Variants in C1QTNF3 observed in about 807,000 individuals in gnomAD.
C1QTNF3 encodes the protein complement C1q tumor necrosis factor-related protein 3.
In C1QTNF3, 26 loss-of-function variants were observed where a neutral mutation model predicts 32.6. That is an observed-to-expected ratio of 0.80 (90% CI 0.58 to 1.11). C1QTNF3 has a LOEUF of 1.11. C1QTNF3 is among the 50% of genes least tolerant of loss of function. C1QTNF3 has a pLI of 0.00. For synonymous variants in C1QTNF3, 155 were observed against 146.0 expected (o/e 1.06, Z -0.44); for missense variants, 362 against 398.2 (o/e 0.91, Z 0.77).
rs1419207668 is a variant in C1QTNF3 at position 34,020,444 on chromosome 5, C to A, written c.*139G>T. 4 of 986,804 alleles carry A rather than the reference C, an allele frequency of 4.1e-6. No homozygotes were observed. Among genetic ancestry groups the A allele is most frequent in the Middle Eastern group, 3.3e-4 (1 of 3,014 alleles). The allele number at this position is 986,804 out of a possible 1,614,324, so 61.1% of individuals were successfully genotyped here. ...TGAATTGTCCAACATTATTGGTGTA[C>A]CTGTAGCGTGAACAACATTGCAACC... On this transcript the variant is annotated 3_prime_UTR_variant, in exon 6 of 6. Coordinates refer to ENST00000382065, the MANE Select transcript of C1QTNF3 (RefSeq NM_181435.6).
chr5:34,124,497 G>A, the C1QTNF3 span: 7 of 713,432 alleles, frequency 9.8e-6, no homozygotes, highest in East Asian at 1.1e-4. Context: ...ATGAGACCAG[G>A]AGCAAGAGAG....
chr5:34,080,818 T>C, the C1QTNF3 span, among the ~76,000 whole-genome samples: 1 of 151,730 alleles, frequency 6.6e-6, no homozygotes, highest in Non-Finnish European at 1.5e-5. Flanking sequence ...CTTGGAGCTA[T>C]CAAAATGTTC....
intron 4 of C1QTNF3, 30 bp downstream of exon 4, chr5:34,028,724 C>T: frequency 6.4e-7 from 1 of 1,570,476 alleles, no homozygotes; most frequent in Non-Finnish European, 8.7e-7. Context: ...CATTGATTAA[C>T]TCAATCTTCA....
the C1QTNF3 span, among the ~76,000 whole-genome samples, chr5:34,154,950 A>G: frequency 2.0e-5 from 3 of 152,176 alleles, no homozygotes; most frequent in African/African-American, 7.2e-5. Flanking sequence ...TAATCAATTT[A>G]AATAAAAATC....
At chr5:34,207,837 G>A in the C1QTNF3 span, among the ~76,000 whole-genome samples, 2 of 151,826 alleles carry the variant, frequency 1.3e-5, no homozygotes, top group Non-Finnish European at 2.9e-5. Context: ...ACCCAGGCTG[G>A]AGTGCAGTGG....
the C1QTNF3 span, among the ~76,000 whole-genome samples, chr5:34,073,305 C>T: frequency 5.2e-3 from 763 of 147,336 alleles, 8 homozygotes; most frequent in African/African-American, 0.018. Context: ...CAAGCCTGGG[C>T]GACAGAGCGA....
the C1QTNF3 span, among the ~76,000 whole-genome samples, chr5:34,135,177 C>T: frequency 1.3e-5 from 2 of 152,076 alleles, no homozygotes; most frequent in African/African-American, 2.4e-5. Context: ...TTGAGATAAT[C>T]GTGGTTTTTG....
the C1QTNF3 span, among the ~76,000 whole-genome samples, chr5:34,090,061 C>T: frequency 1.3e-5 from 2 of 152,132 alleles, no homozygotes; most frequent in Non-Finnish European, 2.9e-5. Flanking sequence ...GGTTGCTCAT[C>T]ACTGAAAATC....
At chr5:34,200,573 T>C in the C1QTNF3 span, 4 of 152,136 alleles carry the variant, frequency 2.6e-5, no homozygotes, top group East Asian at 1.9e-4. Flanking sequence ...CGGAAAAATA[T>C]AAATGAAGAG....
the C1QTNF3 span, chr5:34,218,178 TTG>T: frequency 6.1e-3 from 925 of 152,698 alleles, 10 homozygotes; most frequent in African/African-American, 0.021. Flanking sequence ...CGTTTATTTA[TTG>T]TTTTATAGTT....
the C1QTNF3 span, among the ~76,000 whole-genome samples, chr5:34,162,260 CAGA>C: frequency 1.3e-5 from 2 of 152,214 alleles, no homozygotes; most frequent in Admixed American, 1.3e-4. Context: ...TGGCAGAAAG[CAGA>C]AGGTCAAGAG....
the C1QTNF3 span, among the ~76,000 whole-genome samples, chr5:34,147,973 C>G: frequency 3.9e-5 from 6 of 152,182 alleles, no homozygotes; most frequent in East Asian, 1.9e-4. Context: ...GAGTGCCAGA[C>G]AGTGGGCGCA....
In C1QTNF3 at chr5:34,020,527, A is replaced by G. The variant is rs1754298787; in HGVS notation, c.*56T>C. ...TCAACTTTAATGTTCCTCAGATCGT[A>G]ACAAATCAGCTCAGCTACAAGTCTT... On this transcript the variant is annotated 3_prime_UTR_variant, in exon 6 of 6. Coordinates refer to ENST00000382065, the MANE Select transcript of C1QTNF3 (RefSeq NM_181435.6). 2.3e-5 allele frequency: 37 copies of G among 1,578,422 alleles called. No individual in the cohort carries two copies. In the South Asian group the frequency reaches 4.2e-4, roughly 18 times the overall value.
At chr5:34,047,570 C>T (rs115095016), upstream of C1QTNF3, among the ~76,000 whole-genome samples, 2,707 of 152,280 alleles carry the variant, frequency 0.018, 79 homozygotes, top group African/African-American at 0.063. Context: ...GCATGATTTT[C>T]GAGAGCAGTG....
At chr5:34,173,034 C>A in the C1QTNF3 span, among the ~76,000 whole-genome samples, 1 of 152,122 alleles carries the variant, frequency 6.6e-6, no homozygotes, top group South Asian at 2.1e-4. Flanking sequence ...GATGCTCAGA[C>A]TAGCACATAT....
At chr5:34,118,734 C>G in the C1QTNF3 span, among the ~76,000 whole-genome samples, 1 of 152,046 alleles carries the variant, frequency 6.6e-6, no homozygotes, top group Non-Finnish European at 1.5e-5. Flanking sequence ...TGGCTTTCAA[C>G]ATTTTACTTG....
the C1QTNF3 span, among the ~76,000 whole-genome samples, chr5:34,058,321 T>C: frequency 1.2e-3 from 180 of 152,226 alleles, 2 homozygotes; most frequent in South Asian, 0.014. Flanking sequence ...CACTTGAAGG[T>C]TGCTGATTTA....
At chr5:34,169,142 C>G in the C1QTNF3 span, 1 of 152,142 alleles carries the variant, frequency 6.6e-6, no homozygotes, top group Non-Finnish European at 1.5e-5. Flanking sequence ...CTTGGATTTC[C>G]AGCCTGCAGA....
intron 4 of C1QTNF3, chr5:34,024,351 A>C (rs1040634118): frequency 6.1e-5 from 13 of 213,372 alleles, no homozygotes; most frequent in Non-Finnish European, 1.3e-4. Flanking sequence ...CTCATGTACC[A>C]CAGAACTCGT....
Sources: gnomAD v4.1 joint callset for allele counts (sites outside exome capture counted in the v4.1 genomes callset) on GRCh38, gnomAD v4.1.1 for gene constraint, MANE v1.5 for transcripts, NCBI Gene and HGNC (gene_info 2026-07-23, HGNC 2026-07-21) for gene names.